Variants in CRB2 observed in about 807,000 individuals in gnomAD.
CRB2 encodes the protein crumbs cell polarity complex component 2.
A neutral mutation model predicts 110.9 loss-of-function variants in CRB2; 85 were observed. The observed-to-expected ratio is 0.77, with a 90% CI of 0.64 to 0.92. The LOEUF (loss-of-function observed/expected upper bound fraction) is 0.92. Among genes scored for constraint, CRB2 ranks in the 40% least tolerant of loss-of-function variants. The pLI is 0.00. For synonymous variants in CRB2, 907 were observed against 831.0 expected, an observed-to-expected ratio of 1.09 and a Z score of -1.57; for missense variants, 1,843 against 1,851.3, an observed-to-expected ratio of 1.00 and a Z score of 0.08.
Position 123,375,357 on chromosome 9 carries a change from G to T in CRB2, c.3633+14G>T. 6.4e-7 allele frequency: 1 copy of T among 1,571,646 alleles called. No homozygotes were observed. On this transcript the variant is annotated intron_variant, in intron 12 of 12. Transcript: ENST00000373631. ...TGTGAAGTGGCGGTGAGTGTTGTCAGGGGTGAGGGGCCGTGGACGTGGCCT... is the reference window on the plus strand; with the variant it reads ...TGTGAAGTGGCGGTGAGTGTTGTCATGGGTGAGGGGCCGTGGACGTGGCCT...
At chr9:123,356,991 G>A (rs777716233) in intron 1 of CRB2, among the ~76,000 whole-genome samples, 3 of 152,212 alleles carry the variant, frequency 2.0e-5, no homozygotes, top group South Asian at 2.1e-4. Context: ...ACTGAGTGGA[G>A]AAGCGTGAGG....
rs778889706 is a variant in CRB2, at chr9:123,373,834, C to A, written c.3303C>A (p.Ala1101=). ...CCCACGTCGACCCCTGTCACTCCGC[C>A]CCCTGCGCCCGTGGCCGCTGTCACA... ...CEAHVDPCHS[A]PCARGRCHTH... is the part of the protein sequence containing the mutation. The change falls in exon 10 of 13, where the codon GCC becomes GCA. Residue 1101 remains alanine (A), a synonymous_variant. Coordinates refer to ENST00000373631, the MANE Select transcript of CRB2 (RefSeq NM_173689.7). The A allele has an allele frequency of 1.9e-6, 3 of 1,571,208 alleles. No homozygotes were observed. Among genetic ancestry groups the A allele is most frequent in the African/African-American group, 2.7e-5 (2 of 73,776 alleles).
intron 10 of CRB2, 124 bp from the exon 11 acceptor site, chr9:123,374,455 C>G (rs530058369): frequency 1.4e-6 from 1 of 695,420 alleles, no homozygotes; most frequent in East Asian, 2.5e-5. Flanking sequence ...AATCCCATGC[C>G]CAATAGAGGA....
At chr9:123,355,901 A>G (rs966259903), upstream of CRB2, among the ~76,000 whole-genome samples, 1 of 151,860 alleles carries the variant, frequency 6.6e-6, no homozygotes, top group East Asian at 1.9e-4. Flanking sequence ...TCACCTGGTG[A>G]GACGAGAGTC....
intron 10 of CRB2, 50 bp from the exon 11 acceptor site, chr9:123,374,529 G>A (rs756673476): frequency 7.4e-7 from 1 of 1,355,920 alleles, no homozygotes; most frequent in South Asian, 1.2e-5. Context: ...CGCTGGGGAG[G>A]GCAGGTCCCA....
Position 123,373,758 on chromosome 9 carries a change from A to C in CRB2, c.3227A>C (p.Asp1076Ala). 1 of 1,590,158 alleles carries C rather than the reference A, an allele frequency of 6.3e-7. No homozygotes were observed. Among genetic ancestry groups the C allele is most frequent in the Non-Finnish European group, 8.5e-7 (1 of 1,176,428 alleles). ...GACGGTGCCTGCCGTGACCTCTTCG[A>C]CGCCTTTGCCTGCGCCTGCGGCCCG... The part of the protein sequence containing the change: ...LHDGACRDLF[D>A]AFACACGPGW... Residue 1076 changes from aspartate (D) to alanine (A), a missense_variant, in exon 10 of 13, where the codon GAC becomes GCC. Transcript: ENST00000373631.
At position 123,376,925 on chromosome 9, in the gene CRB2, C is replaced by T. The variant is rs2042111936; in HGVS notation, c.3721C>T (p.Leu1241Phe). Residue 1241 changes from leucine (L) to phenylalanine (F), a missense_variant, in exon 13 of 13, where the codon CTC becomes TTC. Physicochemically the swap from Leu to Phe is conservative, Grantham distance 22. Transcript: ENST00000373631. ...CACLLLLLLGLLSGILAARKR... is the reference protein window; with the variant it reads ...CACLLLLLLGFLSGILAARKR... ...CTGCCTCCTCCTCCTCCTCCTGGGC[C>T]TCCTTTCAGGGATCCTGGCAGCCCG... 1 of 1,608,520 alleles carries T rather than the reference C, an allele frequency of 6.2e-7. No individual in the cohort carries two copies. The highest frequency in any genetic ancestry group is 8.5e-7 in the Non-Finnish European group (1 of 1,178,590).
rs1441393014 is a variant in CRB2 at position 123,376,877 on chromosome 9, G to A, written c.3673G>A (p.Val1225Met). ...GCCGCTGCCATTCCCACTGCTGGAG[G>A]TGGCCGTACCTGCAGCCTGTGCCTG... ...PLPLPFPLLE[V>M]AVPAACACLL... is the part of the protein sequence containing the mutation. Residue 1225 changes from valine (V) to methionine (M), a missense_variant, in exon 13 of 13, where the codon GTG becomes ATG. By Grantham distance (21) the Val-to-Met change is conservative (BLOSUM62 1). Coordinates refer to ENST00000373631, the MANE Select transcript of CRB2 (RefSeq NM_173689.7). 1.9e-6 allele frequency: 3 copies of A among 1,609,940 alleles called. No individual in the cohort carries two copies. The highest frequency in any genetic ancestry group is 2.5e-6 in the Non-Finnish European group (3 of 1,179,448).
At chr9:123,376,787 G>A (rs1175948659) in intron 12 of CRB2, 51 bp from the exon 13 acceptor site, 2 of 1,518,646 alleles carry the variant, frequency 1.3e-6, no homozygotes, top group Admixed American at 2.0e-5. Context: ...GAGGGCCCCG[G>A]CGTCCTCCCC....
chr9:123,374,663 C>G lies in CRB2; in HGVS notation c.3474C>G (p.Asn1158Lys). The change falls in exon 11 of 13, where the codon AAC (asparagine) becomes AAG (lysine). Residue 1158 changes from asparagine to lysine, a missense_variant. By Grantham distance (94) the Asn-to-Lys change is moderately conservative (BLOSUM62 0). Transcript: ENST00000373631. ...GTGAGGGTGGCTCTCCCGCTGCCAA[C>G]TGCAGCTGCCTGGAGGGTCTTGCTG... ...SPCEGGSPAA[N>K]CSCLEGLAGQ... The G allele has an allele frequency of 6.2e-7, 1 of 1,612,142 alleles. No individual in the cohort carries two copies. The highest frequency in any genetic ancestry group is 8.5e-7 in the Non-Finnish European group (1 of 1,179,882).
chr9:123,379,406 C>CCCCATGGCCCCCG (rs1177092395), downstream of CRB2, among the ~76,000 whole-genome samples: 1 of 152,240 alleles, frequency 6.6e-6, no homozygotes, highest in Non-Finnish European at 1.5e-5. Flanking sequence ...CTGCAGTCTG[C>CCCCATGGCCCCCG]CCCATGGCCC....
chr9:123,366,679 G>A (rs1315362847), intron 4 of CRB2, among the ~76,000 whole-genome samples: 5 of 152,148 alleles, frequency 3.3e-5, no homozygotes, highest in African/African-American at 1.2e-4. Flanking sequence ...TAGGCCGGGC[G>A]CGGTGGCTCA....
chr9:123,369,888 T>C (rs2041988435), intron 6 of CRB2, among the ~76,000 whole-genome samples: 1 of 151,576 alleles, frequency 6.6e-6, no homozygotes, highest in African/African-American at 2.4e-5. Flanking sequence ...GTTTAGGAGA[T>C]TAAATCTACA....
At chr9:123,358,459 CA>C (rs1465834447) in intron 1 of CRB2, among the ~76,000 whole-genome samples, 1 of 152,232 alleles carries the variant, frequency 6.6e-6, no homozygotes, top group Non-Finnish European at 1.5e-5. Context: ...TGGGGGCCTG[CA>C]GGACAGAAGC....
rs2042115299 is a variant in CRB2 at position 123,377,122 on chromosome 9, C to T, written c.*60C>T. 2.1e-6 allele frequency: 3 copies of T among 1,401,218 alleles called. No individual in the cohort carries two copies. The Admixed American group carries it at 8.2e-5, about 38-fold the overall frequency. 86.8% of individuals were successfully genotyped at this position (1,401,218 alleles called of 1,614,324 possible). ...CCTGAATGGTTTCTACCTGGAGACC[C>T]AAGGAAGCTGCTTCCAGGGCTCGGG... On this transcript the variant is annotated 3_prime_UTR_variant, in exon 13 of 13. Coordinates refer to ENST00000373631, the MANE Select transcript of CRB2 (RefSeq NM_173689.7).
intron 1 of CRB2, among the ~76,000 whole-genome samples, chr9:123,359,679 G>A (rs2041844904): frequency 6.6e-6 from 1 of 151,938 alleles, no homozygotes; most frequent in Admixed American, 6.6e-5. Flanking sequence ...TGAGCTCCTG[G>A]CCTGAAGTGA....
chr9:123,365,736 T>C (rs1442472955), intron 2 of CRB2, among the ~76,000 whole-genome samples, 181 bp from the exon 3 acceptor site: 1 of 152,170 alleles, frequency 6.6e-6, no homozygotes, highest in East Asian at 1.9e-4. Flanking sequence ...GCTGTCTGTC[T>C]CGTTTCTCTC....
At chr9:123,365,246 G>T (rs377316184) in intron 2 of CRB2, among the ~76,000 whole-genome samples, 3 of 152,152 alleles carry the variant, frequency 2.0e-5, no homozygotes, top group South Asian at 2.1e-4. Flanking sequence ...CTGGGCGACA[G>T]AGTGAGACTC....
At chr9:123,361,221 C>T (rs1276519970) in intron 1 of CRB2, among the ~76,000 whole-genome samples, 8 of 151,754 alleles carry the variant, frequency 5.3e-5, no homozygotes, top group African/African-American at 1.7e-4. Context: ...CAGGCGCTGG[C>T]AGCCGGGGCC....
Sources: allele counts gnomAD v4.1 joint callset (sites outside exome capture counted in the v4.1 genomes callset), GRCh38; gene constraint gnomAD v4.1.1; transcripts MANE v1.5; gene names NCBI Gene and HGNC (gene_info 2026-07-23, HGNC 2026-07-21).